Variants in CPQ observed in about 807,000 individuals in gnomAD.
The protein encoded by CPQ is carboxypeptidase Q.
Under a neutral mutation model 45.7 loss-of-function variants are expected in CPQ, and 37 were observed. That is an observed-to-expected ratio of 0.81 (90% confidence interval 0.62 to 1.07). CPQ has a LOEUF of 1.07. Among genes scored for constraint, CPQ ranks in the 50% least tolerant of loss-of-function variants. The probability of loss-of-function intolerance (pLI) is 0.00; values close to 1 mark genes in which losing one functional copy is unlikely to be tolerated. For synonymous variants in CPQ, 186 were observed against 205.8 expected (o/e 0.90, Z 0.82); for missense variants, 537 against 572.9 (o/e 0.94, Z 0.64).
At chr8:96,893,718 C>T (rs1812406002) in intron 4 of CPQ, among the ~76,000 whole-genome samples, 1 of 151,992 alleles carries the variant, frequency 6.6e-6, no homozygotes, top group Non-Finnish European at 1.5e-5. Context: ...TTACCTAGAG[C>T]CCTGCAATTT....
intron 5 of CPQ, among the ~76,000 whole-genome samples, chr8:96,996,925 T>C (rs947634731): frequency 6.6e-6 from 1 of 152,012 alleles, no homozygotes; most frequent in Non-Finnish European, 1.5e-5. Flanking sequence ...CATCTGGAAA[T>C]GTTCTACCAG....
At chr8:96,815,767 C>T (rs1008701923) in intron 2 of CPQ, among the ~76,000 whole-genome samples, 3 of 152,038 alleles carry the variant, frequency 2.0e-5, no homozygotes, top group Admixed American at 6.6e-5. Flanking sequence ...TCTGGACCAC[C>T]ACAGTAAAGT....
chr8:97,121,347 G>A (rs1453492511), intron 7 of CPQ, among the ~76,000 whole-genome samples: 1 of 152,192 alleles, frequency 6.6e-6, no homozygotes, highest in Non-Finnish European at 1.5e-5. Context: ...CAGGAAGGTT[G>A]TTGTTGGACA....
At chr8:97,098,650 CA>C (rs923390255) in intron 7 of CPQ, among the ~76,000 whole-genome samples, 2 of 152,102 alleles carry the variant, frequency 1.3e-5, no homozygotes, top group African/African-American at 4.8e-5. Context: ...TTCTCTGGCA[CA>C]AGGAAAACTC....
chr8:96,760,024 C>T (rs1403119631), intron 1 of CPQ, among the ~76,000 whole-genome samples: 1 of 152,174 alleles, frequency 6.6e-6, no homozygotes, highest in Non-Finnish European at 1.5e-5. Context: ...GCAGTTGGAA[C>T]CCAGGTTTCC....
intron 3 of CPQ, among the ~76,000 whole-genome samples, chr8:96,837,248 C>A (rs1338780808): frequency 6.6e-6 from 1 of 152,178 alleles, no homozygotes; most frequent in African/African-American, 2.4e-5. Context: ...AACCAAATTT[C>A]TTTGATGAGT....
At chr8:96,672,366 G>A (rs1485216234) in intron 1 of CPQ, among the ~76,000 whole-genome samples, 1 of 152,130 alleles carries the variant, frequency 6.6e-6, no homozygotes, top group East Asian at 1.9e-4. Context: ...GAACAAAACA[G>A]ATGAGAAATA....
At chr8:96,696,452 T>TAA (rs536986208) in intron 1 of CPQ, among the ~76,000 whole-genome samples, 1,750 of 146,494 alleles carry the variant, frequency 0.012, 35 homozygotes, top group African/African-American at 0.042. Flanking sequence ...AATAATAAAT[T>TAA]AAAAAAAAAG....
chr8:96,685,716 G>T (rs936164230), intron 1 of CPQ, among the ~76,000 whole-genome samples: 4 of 151,892 alleles, frequency 2.6e-5, no homozygotes, highest in African/African-American at 4.8e-5. Flanking sequence ...TATTTTTCCT[G>T]TGAACTTCAG....
At chr8:96,971,950 C>G (rs1014197251) in intron 5 of CPQ, among the ~76,000 whole-genome samples, 12 of 152,176 alleles carry the variant, frequency 7.9e-5, no homozygotes, top group Admixed American at 2.6e-4. Flanking sequence ...ACATAGTGAA[C>G]TTTTGCTCTA....
intron 1 of CPQ, among the ~76,000 whole-genome samples, chr8:96,726,909 C>T (rs2130767208): frequency 1.3e-5 from 2 of 152,102 alleles, no homozygotes; most frequent in Admixed American, 1.3e-4. Context: ...GACTTCTCAG[C>T]CTCCAGAACT....
intron 1 of CPQ, among the ~76,000 whole-genome samples, chr8:96,707,337 T>G (rs1416968577): frequency 6.6e-6 from 1 of 152,130 alleles, no homozygotes; most frequent in Non-Finnish European, 1.5e-5. Context: ...TTAACTAACT[T>G]AGTCACATGT....
intron 1 of CPQ, among the ~76,000 whole-genome samples, chr8:96,752,133 A>T (rs957341786): frequency 2.0e-5 from 3 of 152,014 alleles, no homozygotes; most frequent in Non-Finnish European, 4.4e-5. Flanking sequence ...TTTGTTCCAT[A>T]CAAGCTTTAA....
At chr8:96,832,954 A>T (rs968006610) in intron 2 of CPQ, among the ~76,000 whole-genome samples, 3 of 152,084 alleles carry the variant, frequency 2.0e-5, no homozygotes, top group Admixed American at 1.3e-4. Context: ...CACCGGTGGT[A>T]TGGGAGGGCC....
intron 3 of CPQ, among the ~76,000 whole-genome samples, chr8:96,873,618 T>TA (rs1270455342): frequency 2.0e-5 from 3 of 151,596 alleles, no homozygotes; most frequent in Admixed American, 6.6e-5. Context: ...TTAGAAGCTT[T>TA]AAAAAAAACT....
intron 2 of CPQ, among the ~76,000 whole-genome samples, chr8:96,791,509 C>T (rs1810845453): frequency 1.3e-5 from 2 of 152,088 alleles, no homozygotes; most frequent in Non-Finnish European, 2.9e-5. Flanking sequence ...CTCCTGAGAC[C>T]TTCAAAACCC....
chr8:97,008,708 A>G (rs1297930593), intron 5 of CPQ, among the ~76,000 whole-genome samples: 1 of 152,128 alleles, frequency 6.6e-6, no homozygotes, highest in East Asian at 1.9e-4. Flanking sequence ...GAGTTGCTTA[A>G]CCTCTCTAAG....
rs539586823 is a variant in CPQ, at chr8:96,699,586, T to C, written c.-35+54184T>C. ...CACATTGTATGCCTTTATCAAAATA[T>C]TTTATGTAACGCATATATATATATA... is the stretch of plus-strand genomic sequence containing the variant. On this transcript the variant is annotated intron_variant, in intron 1 of 7. Coordinates refer to ENST00000220763, the MANE Select transcript of CPQ (RefSeq NM_016134.4). Among the ~76,000 whole-genome samples the C allele has an allele frequency of 1.7e-4, 26 of 152,238 alleles. 2 individuals are homozygous for C. The South Asian group carries it at 5.4e-3, about 32-fold the overall frequency.
chr8:97,012,304 G>T (rs921575541), intron 5 of CPQ, among the ~76,000 whole-genome samples: 6 of 152,202 alleles, frequency 3.9e-5, no homozygotes, highest in South Asian at 2.1e-4. Context: ...CTTCTTTTAT[G>T]AAATAGAATT....
Sources: allele counts gnomAD v4.1 joint callset (sites outside exome capture counted in the v4.1 genomes callset), GRCh38; gene constraint gnomAD v4.1.1; transcripts MANE v1.5; gene names NCBI Gene and HGNC (gene_info 2026-07-23, HGNC 2026-07-21).